ZFAND4: variants seen among roughly 807,000 people sequenced by gnomAD.
ZFAND4 encodes zinc finger AN1-type containing 4.
Under a neutral mutation model 64.4 loss-of-function variants are expected in ZFAND4, and 43 were observed. The ratio of observed to expected loss-of-function variants is 0.67; its 90% CI spans 0.52 to 0.86. The LOEUF is 0.86. ZFAND4 is among the 40% of genes least tolerant of loss of function. The probability of loss-of-function intolerance (pLI) is 0.00; values close to 1 mark genes in which losing one functional copy is unlikely to be tolerated. For synonymous variants in ZFAND4, 296 were observed against 305.7 expected, an observed-to-expected ratio of 0.97 and a Z score of 0.33; for missense variants, 929 against 859.8, an observed-to-expected ratio of 1.08 and a Z score of -1.01.
intron 5 of ZFAND4, among the ~76,000 whole-genome samples, chr10:45,645,135 C>T (rs548815641): frequency 1.3e-5 from 2 of 152,178 alleles, no homozygotes; most frequent in African/African-American, 4.8e-5. Flanking sequence ...GTGTGCACCA[C>T]CAGGCCCAGC....
At chr10:45,670,201 A>G (rs913633602) in intron 1 of ZFAND4, among the ~76,000 whole-genome samples, 19 of 151,936 alleles carry the variant, frequency 1.3e-4, no homozygotes, top group African/African-American at 4.1e-4. Context: ...TACAAAATCA[A>G]TGTGCAAAAA....
rs151067667 is a variant in ZFAND4, at chr10:45,626,406, A to C, written c.1417T>G (p.Ser473Ala). ...ATTGGTGCAGAACAGCGAAGAGGTGACAAGAGTCTATTCTTGTGAGGACTT... is the reference window on the plus strand; with the variant it reads ...ATTGGTGCAGAACAGCGAAGAGGTGCCAAGAGTCTATTCTTGTGAGGACTT... Reference protein sequence around the residue: ...ELSPHKNRLLSPLRCSAPMSL... With the variant: ...ELSPHKNRLLAPLRCSAPMSL... Residue 473 changes from serine to alanine, a missense_variant, in exon 7 of 10, where the codon TCA becomes GCA. Transcript: ENST00000344646. 1,101 of 1,614,070 alleles carry C rather than the reference A, an allele frequency of 6.8e-4. 8 individuals carry two copies. The African/African-American group carries it at 0.013, about 19-fold the overall frequency.
At chr10:45,624,752 A>G (rs752382306) in intron 7 of ZFAND4, 115 bp from the exon 8 acceptor site, 32 of 842,292 alleles carry the variant, frequency 3.8e-5, no homozygotes, top group Non-Finnish European at 1.8e-5. Flanking sequence ...TTCATTTTAA[A>G]TTATTTATTC....
intron 5 of ZFAND4, among the ~76,000 whole-genome samples, chr10:45,644,276 T>C (rs1390356778): frequency 2.0e-5 from 3 of 152,206 alleles, no homozygotes; most frequent in Non-Finnish European, 4.4e-5. Flanking sequence ...TAGAGTGGAT[T>C]ATTTGTTAGC....
rs2047860610 is a variant in ZFAND4, at chr10:45,653,005, T to A, written c.239A>T (p.Asp80Val). 6.2e-7 allele frequency: 1 copy of A among 1,612,220 alleles called. No homozygotes were observed. The highest frequency in any genetic ancestry group is 1.1e-5 in the South Asian group (1 of 90,878). Residue 80 changes from aspartate (D) to valine (V), a missense_variant, in exon 3 of 10, where the codon GAT (aspartate) becomes GTT (valine). By Grantham distance (152) the Asp-to-Val change is radical (BLOSUM62 -3). Coordinates refer to ENST00000344646, the MANE Select transcript of ZFAND4 (RefSeq NM_174890.4). ...LIWNNMELEN[D>V]YCLNDYNISE... ...TCACTTGTAATCATTCAAGCAATAATCATTTTCAAGTTCCATGTTATTCCA... is the reference window on the plus strand; with the variant it reads ...TCACTTGTAATCATTCAAGCAATAAACATTTTCAAGTTCCATGTTATTCCA...
intron 5 of ZFAND4, among the ~76,000 whole-genome samples, chr10:45,647,721 C>T (rs1232416548): frequency 6.6e-6 from 1 of 152,082 alleles, no homozygotes; most frequent in Non-Finnish European, 1.5e-5. Context: ...CAGTGCCTTG[C>T]TCAGTGAATG....
At chr10:45,643,183 G>C (rs1255188419) in intron 5 of ZFAND4, among the ~76,000 whole-genome samples, 3 of 150,188 alleles carry the variant, frequency 2.0e-5, no homozygotes, top group Non-Finnish European at 4.4e-5. Context: ...GCCTCCCAAA[G>C]TGCTGGGATT....
intron 2 of ZFAND4, among the ~76,000 whole-genome samples, chr10:45,654,934 A>C (rs2048005487): frequency 1.3e-5 from 2 of 152,202 alleles, no homozygotes; most frequent in Admixed American, 1.3e-4. Context: ...TGACAGCACT[A>C]GACAGGTCAT....
At position 45,624,668 on chromosome 10, in the gene ZFAND4, G is replaced by A. The variant is rs1053159499; in HGVS notation, c.1873-31C>T. 7.7e-6 allele frequency: 12 copies of A among 1,565,224 alleles called. No individual in the cohort carries two copies. The African/African-American group carries it at 1.5e-4, about 19-fold the overall frequency. ...ATTAAAACACAAAACATCTATAGAG[G>A]TGAGTCAATGAAGAATAGAAATGAT... On this transcript the variant is annotated intron_variant, in intron 7 of 9. Coordinates refer to ENST00000344646, the MANE Select transcript of ZFAND4 (RefSeq NM_174890.4).
chr10:45,623,185 C>T (rs1486907273), intron 8 of ZFAND4, among the ~76,000 whole-genome samples: 1 of 152,118 alleles, frequency 6.6e-6, no homozygotes, highest in Non-Finnish European at 1.5e-5. Flanking sequence ...AAACATGGTA[C>T]AGCAACTGTG....
At chr10:45,661,278 C>T (rs1392010493) in intron 2 of ZFAND4, among the ~76,000 whole-genome samples, 1 of 152,138 alleles carries the variant, frequency 6.6e-6, no homozygotes, top group African/African-American at 2.4e-5. Context: ...TAATCTGAAG[C>T]CAGGCAGCAT....
At chr10:45,665,051 T>C (rs1166937559) in intron 1 of ZFAND4, among the ~76,000 whole-genome samples, 2 of 152,192 alleles carry the variant, frequency 1.3e-5, no homozygotes, top group African/African-American at 4.8e-5. Context: ...ATACATACAA[T>C]GGCTAATAAG....
chr10:45,662,635 G>A (rs2048552785), intron 2 of ZFAND4: 2 of 985,278 alleles, frequency 2.0e-6, no homozygotes, highest in Admixed American at 6.1e-5. Flanking sequence ...GTGCTGATGT[G>A]GTCACTGGAC....
At chr10:45,644,135 CAT>C (rs1429493981) in intron 5 of ZFAND4, among the ~76,000 whole-genome samples, 1 of 152,160 alleles carries the variant, frequency 6.6e-6, no homozygotes, top group African/African-American at 2.4e-5. Context: ...ATCACAGTAA[CAT>C]AGTCATAATT....
chr10:45,652,719 A>C (rs1187799378), intron 3 of ZFAND4, among the ~76,000 whole-genome samples: 2 of 152,320 alleles, frequency 1.3e-5, no homozygotes, highest in African/African-American at 2.4e-5. Flanking sequence ...AGGCAAGAAG[A>C]TAATAGGAGG....
intron 5 of ZFAND4, among the ~76,000 whole-genome samples, chr10:45,644,629 G>T (rs1172834250): frequency 1.3e-5 from 2 of 152,176 alleles, no homozygotes; most frequent in East Asian, 3.8e-4. Flanking sequence ...GTTGTTTAAA[G>T]ATTACTTTTC....
intron 8 of ZFAND4, chr10:45,621,020 T>TGC (rs2045383130): frequency 1.3e-5 from 2 of 152,228 alleles, no homozygotes; most frequent in South Asian, 4.1e-4. Context: ...TTCACTTGCT[T>TGC]GCCATTTCCT....
intron 5 of ZFAND4, among the ~76,000 whole-genome samples, chr10:45,645,028 CT>C (rs1458228014): frequency 3.4e-5 from 5 of 145,598 alleles, no homozygotes; most frequent in African/African-American, 1.3e-4. Context: ...GTCACCCAGG[CT>C]GGAGTGCAGT....
chr10:45,660,374 G>T (rs1348179059), intron 2 of ZFAND4, among the ~76,000 whole-genome samples: 1 of 151,766 alleles, frequency 6.6e-6, no homozygotes. Flanking sequence ...TTGGCAAAAC[G>T]GACTGTTAAG....
Sources: allele counts gnomAD v4.1 joint callset (sites outside exome capture counted in the v4.1 genomes callset), GRCh38; gene constraint gnomAD v4.1.1; transcripts MANE v1.5; gene names NCBI Gene and HGNC (gene_info 2026-07-23, HGNC 2026-07-21).